The following DNAH5 variants were observed in gnomAD, a reference collection of about 807,000 sequenced individuals.
DNAH5 encodes dynein axonemal heavy chain 5.
Under a neutral mutation model 518.2 loss-of-function variants are expected in DNAH5, and 372 were observed. The ratio of observed to expected loss-of-function variants is 0.72; its 90% CI spans 0.66 to 0.78. The LOEUF (loss-of-function observed/expected upper bound fraction) is 0.78. DNAH5 is among the 30% of genes least tolerant of loss of function. The pLI, the probability that DNAH5 is intolerant of heterozygous loss-of-function variation, is 0.00. For synonymous variants in DNAH5, 2,039 were observed against 2,025.9 expected, an observed-to-expected ratio of 1.01 and a Z score of -0.17; for missense variants, 5,523 against 5,687.0, an observed-to-expected ratio of 0.97 and a Z score of 0.93.
chr5:13,855,610 A>T (rs1402426315), intron 30 of DNAH5, among the ~76,000 whole-genome samples: 1 of 152,232 alleles, frequency 6.6e-6, no homozygotes, highest in East Asian at 1.9e-4. Flanking sequence ...TAACAAGGAT[A>T]TTCAGGACTT....
At chr5:13,712,898 A>G (rs1401678750) in intron 75 of DNAH5, among the ~76,000 whole-genome samples, 9 of 152,242 alleles carry the variant, frequency 5.9e-5, no homozygotes, top group East Asian at 5.8e-4. Context: ...AACAGCCACT[A>G]TGGAAAACAG....
At position 13,793,440 on chromosome 5, in the gene DNAH5, G is replaced by A. The variant is rs949754272; in HGVS notation, c.8224+75C>T. 15 of 1,273,784 alleles carry A rather than the reference G, an allele frequency of 1.2e-5. No homozygotes were observed. The African/African-American group carries it at 1.9e-4, about 16-fold the overall frequency. The allele number at this position is 1,273,784 out of a possible 1,614,324, so 78.9% of individuals were successfully genotyped here. A position where few individuals can be genotyped will look rare whatever the true frequency, so the allele number is the denominator to read the frequency against. On this transcript the variant is annotated intron_variant, in intron 49 of 78. Coordinates refer to ENST00000265104, the MANE Select transcript of DNAH5 (RefSeq NM_001369.3). ...CAGTGCTCTTTCTGTGTGGGTCTTG[G>A]GTGAAGATTTTCAAAAAGGAACCCA...
At chr5:13,832,681 C>G (rs1448975060) in intron 35 of DNAH5, among the ~76,000 whole-genome samples, 3 of 152,150 alleles carry the variant, frequency 2.0e-5, no homozygotes, top group African/African-American at 7.2e-5. Flanking sequence ...CACACTTGTA[C>G]CCTCAACTAC....
intron 1 of DNAH5, among the ~76,000 whole-genome samples, chr5:13,937,037 T>G (rs1161084385): frequency 2.0e-5 from 3 of 151,940 alleles, no homozygotes. Flanking sequence ...AAAATCCCTA[T>G]GAAGAAGACG....
chr5:13,762,784 A>G lies in DNAH5; in HGVS notation c.10219T>C (p.Cys3407Arg), dbSNP rs1751964296. Residue 3407 changes from cysteine to arginine, a missense_variant, in exon 60 of 79, where the codon TGT becomes CGT. Around this residue, in one of 3 missense-constraint regions of DNAH5, gnomAD observed 5,121 missense variants for 5,223.3 expected, o/e 0.98. Coordinates refer to ENST00000265104, the MANE Select transcript of DNAH5 (RefSeq NM_001369.3). ...GAAGCCATAGCTTTCGTCCAGGAAC[A>G]AAGACCAGCTACATTTCCACATACG... ...KRVCGNVAGLCSWTKAMASFF... is the reference protein window; with the variant it reads ...KRVCGNVAGLRSWTKAMASFF... 2 of 1,614,104 alleles carry G rather than the reference A, an allele frequency of 1.2e-6. No homozygotes were observed. Among genetic ancestry groups the G allele is most frequent in the African/African-American group, 1.3e-5 (1 of 74,946 alleles).
In DNAH5 at chr5:13,810,189, C is replaced by T; in HGVS notation, c.7479G>A (p.Gly2493=). ...LFVFALLWSA[G]AALELDGRRR... ...GCCGTCCGTCCAGCTCCAGCGCCGCCCCCGCGCTCCACAGCAGCGCGAACA... is the reference window on the plus strand; with the variant it reads ...GCCGTCCGTCCAGCTCCAGCGCCGCTCCCGCGCTCCACAGCAGCGCGAACA... The change falls in exon 45 of 79, where the codon GGG becomes GGA. Residue 2493 remains glycine (G), a synonymous_variant. Coordinates refer to ENST00000265104, the MANE Select transcript of DNAH5 (RefSeq NM_001369.3). 1 of 1,549,502 alleles carries T rather than the reference C, an allele frequency of 6.5e-7. No homozygotes were observed. Among genetic ancestry groups the T allele is most frequent in the Non-Finnish European group, 8.7e-7 (1 of 1,146,306 alleles).
At chr5:13,951,681 C>T (rs755148192) in intron 1 of DNAH5, among the ~76,000 whole-genome samples, 12 of 152,168 alleles carry the variant, frequency 7.9e-5, no homozygotes, top group Non-Finnish European at 8.8e-5. Context: ...CAGCCTGCAC[C>T]CTCCTGTGCT....
rs1413997886 is a variant in DNAH5 at position 13,994,967 on chromosome 5, G to A, written c.12+16681C>T. Among the ~76,000 whole-genome samples the A allele has an allele frequency of 4.6e-5, 7 of 152,296 alleles. No homozygotes were observed. In the East Asian group the frequency reaches 9.6e-4, roughly 21 times the overall value. On this transcript the variant is annotated intron_variant, in intron 1 of 78. Coordinates refer to the DNAH5 transcript ENST00000681290. ...AAACAAGAATCCACGCAAGCCAGAA[G>A]ACCCGTTCCAGGAGTTCAGGGTGGC...
At chr5:13,787,817 T>C (rs1179496773) in intron 51 of DNAH5, among the ~76,000 whole-genome samples, 3 of 152,198 alleles carry the variant, frequency 2.0e-5, no homozygotes, top group African/African-American at 4.8e-5. Flanking sequence ...GAAATAAACA[T>C]TATTTTGCAA....
intron 2 of DNAH5, among the ~76,000 whole-genome samples, chr5:13,928,387 T>G (rs1237103060): frequency 6.6e-6 from 1 of 152,188 alleles, no homozygotes; most frequent in Non-Finnish European, 1.5e-5. Context: ...AAAAAGTAAT[T>G]TCATGAATCA....
intron 65 of DNAH5, among the ~76,000 whole-genome samples, chr5:13,740,431 GC>G (rs1484244495): frequency 1.3e-5 from 2 of 152,086 alleles, no homozygotes; most frequent in African/African-American, 2.4e-5. Context: ...CTACCAAGCT[GC>G]CCCCTCCTTC....
chr5:13,787,751 T>G (rs1256829303), intron 51 of DNAH5, among the ~76,000 whole-genome samples: 1 of 152,210 alleles, frequency 6.6e-6, no homozygotes, highest in Non-Finnish European at 1.5e-5. Flanking sequence ...TTGACCTGAT[T>G]AAAATAAAAT....
intron 1 of DNAH5, among the ~76,000 whole-genome samples, chr5:13,961,673 A>C (rs1452353914): frequency 2.0e-5 from 3 of 152,072 alleles, no homozygotes; most frequent in Non-Finnish European, 2.9e-5. Context: ...GAAAGAAAGA[A>C]AGGTATGGTA....
In DNAH5 at chr5:13,753,350, G is replaced by T; in HGVS notation, c.10755C>A (p.Asp3585Glu). ...CAATAATTCCATTTTGAATGGACAA[G>T]TCATCATTTGGCAGACCTTGGAGGT... ...EWNLQGLPND[D>E]LSIQNGIIVT... The change falls in exon 63 of 79, where the codon GAC (aspartate) becomes GAA (glutamate). Residue 3585 changes from aspartate (D) to glutamate (E), a missense_variant. Physicochemically the swap from Asp to Glu is conservative, Grantham distance 45. Coordinates refer to ENST00000265104, the MANE Select transcript of DNAH5 (RefSeq NM_001369.3). 1 of 1,613,828 alleles carries T rather than the reference G, an allele frequency of 6.2e-7. No homozygotes were observed.
intron 49 of DNAH5, 93 bp from the exon 50 acceptor site, chr5:13,792,310 CATT>C: frequency 9.9e-7 from 1 of 1,008,146 alleles, no homozygotes; most frequent in Non-Finnish European, 1.5e-6. Context: ...GCAAAAATGT[CATT>C]ATACATTTTA....
intron 70 of DNAH5, among the ~76,000 whole-genome samples, chr5:13,724,717 A>G (rs1745489770): frequency 6.6e-6 from 1 of 152,288 alleles, no homozygotes; most frequent in African/African-American, 2.4e-5. Context: ...TGTACTCATG[A>G]GAGTGAGTGA....
chr5:13,857,403 G>T (rs1298054000), intron 30 of DNAH5, among the ~76,000 whole-genome samples: 1 of 152,162 alleles, frequency 6.6e-6, no homozygotes, highest in Non-Finnish European at 1.5e-5. Context: ...CTCATGGATA[G>T]GAAGAATCAA....
chr5:13,920,433 C>T (rs763336947), intron 6 of DNAH5, 47 bp downstream of exon 6: 137 of 1,610,682 alleles, frequency 8.5e-5, no homozygotes, highest in East Asian at 8.5e-4. Flanking sequence ...CATTGTCTAG[C>T]GCAGTAATGT....
In DNAH5 at chr5:13,959,892, G is replaced by A. The variant is rs560981694; in HGVS notation, c.13-28648C>T. Among the ~76,000 whole-genome samples, 21 of 152,226 alleles carry A rather than the reference G, an allele frequency of 1.4e-4. No homozygotes were observed. The East Asian group carries it at 2.5e-3, about 18-fold the overall frequency. On this transcript the variant is annotated intron_variant, in intron 1 of 78. Coordinates refer to the DNAH5 transcript ENST00000681290. The stretch of plus-strand genomic sequence containing the variant: ...TGAGGCAGGAGATTCTCTTGAACCC[G>A]GGAGGGTGGAGGTTGCAGTGAGCCG...
Sources: gnomAD v4.1 joint callset for allele counts (sites outside exome capture counted in the v4.1 genomes callset) on GRCh38, gnomAD v4.1.1 for gene constraint, gnomAD v4.1.1 regional missense constraint, MANE v1.5 for transcripts, NCBI Gene and HGNC (gene_info 2026-07-23, HGNC 2026-07-21) for gene names.